Variants in ANKIB1 observed in about 807,000 individuals in gnomAD.
ANKIB1 encodes the protein ankyrin repeat and IBR domain-containing protein 1.
ANKIB1 carries 43 observed loss-of-function variants against 122.1 expected under a neutral mutation model. The ratio of observed to expected loss-of-function variants is 0.35; its 90% CI spans 0.28 to 0.45. The LOEUF (loss-of-function observed/expected upper bound fraction) is 0.45. Among genes scored for constraint, ANKIB1 ranks in the 20% least tolerant of loss-of-function variants. The probability of loss-of-function intolerance (pLI) is 1.00; values close to 1 mark genes in which losing one functional copy is unlikely to be tolerated. For synonymous variants in ANKIB1, 390 were observed against 442.0 expected (o/e 0.88, Z 1.48); for missense variants, 992 against 1,329.5 (o/e 0.75, Z 3.95).
chr7:92,274,735 C>A (rs1210725701), intron 1 of ANKIB1, among the ~76,000 whole-genome samples: 1 of 152,082 alleles, frequency 6.6e-6, no homozygotes, highest in African/African-American at 2.4e-5. Flanking sequence ...TCACTTGACA[C>A]CAAGAGTTTG....
At chr7:92,371,953 GTGTGT>G (rs1562795565) in intron 11 of ANKIB1, among the ~76,000 whole-genome samples, 99 of 6,370 alleles carry the variant, frequency 0.016, no homozygotes, top group Admixed American at 0.039. Context: ...AGAGAGGGGT[GTGTGT>G]GTGTGTGTGT....
chr7:92,355,956 A>G (rs1410345134), intron 9 of ANKIB1, among the ~76,000 whole-genome samples: 1 of 151,846 alleles, frequency 6.6e-6, no homozygotes, highest in Non-Finnish European at 1.5e-5. Context: ...AAACTGTGCA[A>G]AAAAGTCTTT....
At chr7:92,371,025 G>A (rs1375252560) in intron 10 of ANKIB1, among the ~76,000 whole-genome samples, 1 of 152,128 alleles carries the variant, frequency 6.6e-6, no homozygotes, top group Non-Finnish European at 1.5e-5. Context: ...GGATAAAAAA[G>A]ATGTTGATAT....
intron 2 of ANKIB1, among the ~76,000 whole-genome samples, chr7:92,303,010 A>C (rs1319077115): frequency 1.3e-5 from 2 of 150,448 alleles, no homozygotes; most frequent in Admixed American, 6.7e-5. Flanking sequence ...GAGTTATTGC[A>C]AGAAATTGAG....
At chr7:92,356,580 T>A (rs1261521881) in intron 9 of ANKIB1, among the ~76,000 whole-genome samples, 1 of 152,224 alleles carries the variant, frequency 6.6e-6, no homozygotes, top group East Asian at 1.9e-4. Flanking sequence ...TACAGAGTTA[T>A]AATAATCTGG....
At chr7:92,279,181 G>C (rs1801966060) in intron 1 of ANKIB1, among the ~76,000 whole-genome samples, 1 of 152,168 alleles carries the variant, frequency 6.6e-6, no homozygotes, top group South Asian at 2.1e-4. Flanking sequence ...CAGAACTCAG[G>C]GGGTAATGTT....
chr7:92,379,553 A>T (rs572860464), intron 11 of ANKIB1, among the ~76,000 whole-genome samples: 1 of 152,328 alleles, frequency 6.6e-6, no homozygotes, highest in Non-Finnish European at 1.5e-5. Context: ...GGATAAAAAG[A>T]AAGCCTACAA....
chr7:92,329,797 C>G (rs563269829), intron 5 of ANKIB1, among the ~76,000 whole-genome samples: 6 of 152,288 alleles, frequency 3.9e-5, no homozygotes, highest in Admixed American at 3.9e-4. Flanking sequence ...TTCACTCTCC[C>G]TAGCTCTTTC....
intron 17 of ANKIB1, among the ~76,000 whole-genome samples, chr7:92,393,340 A>T (rs909837999): frequency 6.6e-6 from 1 of 152,098 alleles, no homozygotes; most frequent in Non-Finnish European, 1.5e-5. Context: ...AAATTGTTTT[A>T]AAAATTGTGA....
At chr7:92,313,386 T>C (rs762948007) in intron 3 of ANKIB1, among the ~76,000 whole-genome samples, 8 of 152,214 alleles carry the variant, frequency 5.3e-5, no homozygotes, top group Non-Finnish European at 8.8e-5. Context: ...TATTGTGTTT[T>C]TAGCACCTAG....
chr7:92,339,927 G>T (rs566750763), intron 5 of ANKIB1, among the ~76,000 whole-genome samples: 5 of 135,980 alleles, frequency 3.7e-5, no homozygotes, highest in African/African-American at 1.1e-4. Context: ...TGGTTGTAGG[G>T]TTTTTTTTTT....
At chr7:92,391,494 G>C in intron 16 of ANKIB1, 150 bp downstream of exon 16, 3 of 704,562 alleles carry the variant, frequency 4.3e-6, no homozygotes, top group Non-Finnish European at 6.1e-6. Flanking sequence ...TTTTTTTGGT[G>C]ATTTTTTTTT....
intron 1 of ANKIB1, among the ~76,000 whole-genome samples, chr7:92,289,072 G>A (rs1802195174): frequency 6.6e-6 from 1 of 152,126 alleles, no homozygotes; most frequent in Non-Finnish European, 1.5e-5. Flanking sequence ...TGAATGTTAT[G>A]GCAGCCTTAA....
chr7:92,248,220 C>T (rs1161389264), intron 1 of ANKIB1, among the ~76,000 whole-genome samples: 1 of 152,082 alleles, frequency 6.6e-6, no homozygotes, highest in Non-Finnish European at 1.5e-5. Flanking sequence ...TTTCCTATTT[C>T]ACTGTTCCCT....
chr7:92,289,669 A>T (rs922891861), intron 1 of ANKIB1, among the ~76,000 whole-genome samples: 1 of 152,178 alleles, frequency 6.6e-6, no homozygotes, highest in African/African-American at 2.4e-5. Context: ...GGTGATTCTG[A>T]TGCACAGGGA....
chr7:92,331,746 C>G (rs552793945), intron 5 of ANKIB1, among the ~76,000 whole-genome samples: 1 of 152,286 alleles, frequency 6.6e-6, no homozygotes, highest in Non-Finnish European at 1.5e-5. Context: ...GACCAGAATT[C>G]AGTCACATGG....
chr7:92,288,051 A>AC (rs1168441796), intron 1 of ANKIB1, among the ~76,000 whole-genome samples: 18 of 146,938 alleles, frequency 1.2e-4, no homozygotes, highest in Middle Eastern at 7.2e-3. Context: ...AAAAAAAAAA[A>AC]AAAAAACTGC....
At chr7:92,280,508 A>G (rs929712964) in intron 1 of ANKIB1, among the ~76,000 whole-genome samples, 4 of 135,622 alleles carry the variant, frequency 2.9e-5, no homozygotes, top group African/African-American at 1.1e-4. Context: ...TTGGGAGTTG[A>G]TTTAACCTTT....
In ANKIB1 at chr7:92,386,610, C is replaced by G. The variant is rs1318458041; in HGVS notation, c.1719C>G (p.His573Gln). The G allele has an allele frequency of 1.9e-6, 3 of 1,603,752 alleles. No individual in the cohort carries two copies. Among genetic ancestry groups the G allele is most frequent in the African/African-American group, 2.7e-5 (2 of 74,616 alleles). Residue 573 changes from histidine to glutamine, a missense_variant, in exon 12 of 20, where the codon CAC becomes CAG. His to Gln is a conservative substitution (Grantham distance 24). This residue lies in a region of ANKIB1 where 521 missense variants were observed against 777.7 expected (regional missense o/e 0.67). Transcript: ENST00000265742. ...GTACTCGCTATGAAGTCATTCAACACGTGGAGGAGCAATCCAAGGAAATGA... is the reference window on the plus strand; with the variant it reads ...GTACTCGCTATGAAGTCATTCAACAGGTGGAGGAGCAATCCAAGGAAATGA... ...YRCTRYEVIQ[H>Q]VEEQSKEMTV...
Sources: gnomAD v4.1 joint callset for allele counts (sites outside exome capture counted in the v4.1 genomes callset) on GRCh38, gnomAD v4.1.1 for gene constraint, gnomAD v4.1.1 regional missense constraint, MANE v1.5 for transcripts, NCBI Gene and HGNC (gene_info 2026-07-23, HGNC 2026-07-21) for gene names.